Variants in BLK observed in about 807,000 individuals in gnomAD.
BLK encodes the protein tyrosine-protein kinase Blk.
A neutral mutation model predicts 61.8 loss-of-function variants in BLK; 64 were observed. The ratio of observed to expected loss-of-function variants is 1.03; its 90% CI spans 0.85 to 1.27. The LOEUF (loss-of-function observed/expected upper bound fraction) is 1.27. Ranked by LOEUF, BLK falls within the 50% of genes most tolerant of loss-of-function variation. BLK has a pLI of 0.00. For missense variants in BLK, 853 were observed against 660.5 expected (o/e 1.29, Z -3.19); for synonymous variants, 351 against 272.0 (o/e 1.29, Z -2.86).
intron 1 of BLK, among the ~76,000 whole-genome samples, chr8:11,525,616 AT>A (rs2117352409): frequency 6.6e-6 from 1 of 152,350 alleles, no homozygotes; most frequent in Non-Finnish European, 1.5e-5. Flanking sequence ...TATACAAGTT[AT>A]CCATGAATAT....
intron 1 of BLK, among the ~76,000 whole-genome samples, chr8:11,521,389 C>T (rs1799440838): frequency 6.6e-6 from 1 of 152,222 alleles, no homozygotes; most frequent in African/African-American, 2.4e-5. Context: ...TTCCCAGGCT[C>T]AAGCAATCCT....
Position 11,520,425 on chromosome 8 carries a change from C to T in BLK, c.-1-22799C>T, listed in dbSNP as rs991957031. Among the ~76,000 whole-genome samples, 31 of 126,456 alleles carry T rather than the reference C, an allele frequency of 2.5e-4. No individual in the cohort carries two copies. In the Admixed American group the frequency reaches 2.8e-3, roughly 11 times the overall value. 83.0% of individuals were successfully genotyped at this position (126,456 alleles called of 152,430 possible). On this transcript the variant is annotated intron_variant, in intron 1 of 12. Coordinates refer to ENST00000259089, the MANE Select transcript of BLK (RefSeq NM_001715.3). ...CCAGAAGATTGAGGCTGCAGTGAGC[C>T]GTGATCATGCCACACACTTCCAGCC...
intron 1 of BLK, among the ~76,000 whole-genome samples, chr8:11,517,578 C>G (rs141240255): frequency 6.6e-6 from 1 of 152,232 alleles, no homozygotes; most frequent in South Asian, 2.1e-4. Context: ...TCCTCCCCGG[C>G]CTCATCTGCT....
chr8:11,561,169 T>A (rs112254800), intron 10 of BLK, 133 bp from the exon 11 acceptor site: 2 of 1,294,566 alleles, frequency 1.5e-6, no homozygotes, highest in Non-Finnish European at 2.2e-6. Flanking sequence ...AGCAACACAG[T>A]CACCTTTCTA....
At chr8:11,560,874 G>A in intron 10 of BLK, 1 of 464,180 alleles carries the variant, frequency 2.2e-6, no homozygotes, top group Non-Finnish European at 4.3e-6. Context: ...GACTTCCCGA[G>A]GGCCTCCAGC....
chr8:11,523,493 C>A (rs569944713), intron 1 of BLK, among the ~76,000 whole-genome samples: 20 of 152,206 alleles, frequency 1.3e-4, no homozygotes, highest in Admixed American at 2.0e-4. Context: ...AAGGAGATTG[C>A]AGTGAGCTGC....
chr8:11,555,244 G>T, intron 7 of BLK, 88 bp from the exon 8 acceptor site: 1 of 1,574,740 alleles, frequency 6.4e-7, no homozygotes. Context: ...GCTGGGGAGT[G>T]GAGGGCCAGC....
intron 1 of BLK, among the ~76,000 whole-genome samples, chr8:11,505,174 C>G (rs1032772338): frequency 3.9e-5 from 6 of 152,202 alleles, no homozygotes; most frequent in Admixed American, 6.5e-5. Flanking sequence ...ATGACAAATA[C>G]TATTGCAGCA....
chr8:11,535,300 G>GAAAGAAAGAAAGAAAGAAAA (rs1563102497), intron 1 of BLK, among the ~76,000 whole-genome samples: 121 of 144,434 alleles, frequency 8.4e-4, no homozygotes, highest in African/African-American at 2.9e-3. Context: ...AAGAAAGAAA[G>GAAAGAAAGAAAGAAAGAAAA]AAAGAAAGAA....
At chr8:11,561,196 G>C (rs1467379983) in intron 10 of BLK, 106 bp from the exon 11 acceptor site, 2 of 1,472,276 alleles carry the variant, frequency 1.4e-6, no homozygotes, top group South Asian at 1.2e-5. Context: ...CCAAGAAACA[G>C]CTCCTTCCCC....
intron 1 of BLK, among the ~76,000 whole-genome samples, chr8:11,510,064 A>AT (rs1488440189): frequency 1.3e-5 from 2 of 152,164 alleles, no homozygotes; most frequent in African/African-American, 4.8e-5. Context: ...GTTTGCTTCC[A>AT]TATTTTTGTA....
intron 2 of BLK, among the ~76,000 whole-genome samples, chr8:11,543,584 T>C (rs932463369): frequency 6.6e-6 from 1 of 152,074 alleles, no homozygotes; most frequent in Non-Finnish European, 1.5e-5. Context: ...AAAAGAAATG[T>C]AAAAAGGTCA....
chr8:11,528,119 C>A (rs1052767393), intron 1 of BLK, among the ~76,000 whole-genome samples: 1 of 152,194 alleles, frequency 6.6e-6, no homozygotes, highest in Non-Finnish European at 1.5e-5. Context: ...TCACTGCAAT[C>A]TCTGCCTCCC....
chr8:11,521,397 C>G (rs932407993), intron 1 of BLK, among the ~76,000 whole-genome samples: 2 of 152,200 alleles, frequency 1.3e-5, no homozygotes, highest in East Asian at 1.9e-4. Context: ...CTCAAGCAAT[C>G]CTCCCATCTA....
chr8:11,514,968 G>A (rs1379572999), intron 1 of BLK, among the ~76,000 whole-genome samples: 8 of 152,124 alleles, frequency 5.3e-5, no homozygotes, highest in Non-Finnish European at 1.0e-4. Context: ...CCACTCCAGG[G>A]TTGAGGCACG....
At position 11,499,141 on chromosome 8, in the gene BLK, A is replaced by G. The variant is rs141720751; in HGVS notation, c.-2+4550A>G. Reference sequence around the variant, plus strand: ...ATGATGGTGGTCTCATAAGATGAAGACACTGTATTTTGCCTGTACCTGTTC... The same window carrying G: ...ATGATGGTGGTCTCATAAGATGAAGGCACTGTATTTTGCCTGTACCTGTTC... On this transcript the variant is annotated intron_variant, in intron 1 of 12. Transcript: ENST00000259089. Among the ~76,000 whole-genome samples the G allele has an allele frequency of 4.8e-3, 738 of 152,330 alleles. 3 individuals carry two copies. Among genetic ancestry groups the G allele is most frequent in the African/African-American group, 0.015 (637 of 41,572 alleles).
At chr8:11,561,909 C>G (rs764686936) in intron 11 of BLK, among the ~76,000 whole-genome samples, 16 of 151,838 alleles carry the variant, frequency 1.1e-4, no homozygotes, top group Non-Finnish European at 1.9e-4. Flanking sequence ...ACCTCCGCCT[C>G]CTGGGTTCAA....
At chr8:11,518,947 G>A (rs929341887) in intron 1 of BLK, among the ~76,000 whole-genome samples, 1 of 152,110 alleles carries the variant, frequency 6.6e-6, no homozygotes, top group Non-Finnish European at 1.5e-5. Context: ...TTCTGGGAGA[G>A]GTCTTTCTCT....
chr8:11,562,765 C>T (rs1401555834), intron 11 of BLK, among the ~76,000 whole-genome samples: 5 of 152,180 alleles, frequency 3.3e-5, no homozygotes, highest in South Asian at 2.1e-4. Flanking sequence ...GTGTCCATAT[C>T]GTCTTTCTGT....
Sources: gnomAD v4.1 joint callset for allele counts (sites outside exome capture counted in the v4.1 genomes callset) on GRCh38, gnomAD v4.1.1 for gene constraint, MANE v1.5 for transcripts, NCBI Gene and HGNC (gene_info 2026-07-23, HGNC 2026-07-21) for gene names.